The following MYH11 variants were observed in gnomAD, a reference collection of about 807,000 sequenced individuals.
The protein encoded by MYH11 is myosin heavy chain 11, also known as myosin-11.
MYH11 carries 80 observed loss-of-function variants against 246.6 expected under a neutral mutation model. The ratio of observed to expected loss-of-function variants is 0.32; its 90% confidence interval spans 0.27 to 0.39. The LOEUF is 0.39. MYH11 is among the 10% of genes least tolerant of loss of function. The pLI is 1.00. For missense variants in MYH11, 2,158 were observed against 2,546.8 expected (o/e 0.85, Z 3.29); for synonymous variants, 1,071 against 1,015.5 (o/e 1.05, Z -1.04).
chr16:15,754,252 A>AT (rs1439034727), intron 14 of MYH11, among the ~76,000 whole-genome samples: 1 of 152,122 alleles, frequency 6.6e-6, no homozygotes, highest in Non-Finnish European at 1.5e-5. Flanking sequence ...TAAGCATGGC[A>AT]TCCTATTTTC....
intron 3 of MYH11, among the ~76,000 whole-genome samples, chr16:15,819,583 G>A (rs1195715347): frequency 6.6e-6 from 1 of 152,136 alleles, no homozygotes; most frequent in Non-Finnish European, 1.5e-5. Context: ...ATCTGTCACT[G>A]TCTCCCATCA....
At position 15,753,938 on chromosome 16, in the gene MYH11, G is replaced by A. The variant is rs114191269; in HGVS notation, c.1750-430C>T. Reference sequence around the variant, plus strand: ...TTAAGCATGGCAGCCAAGCGTGGTGGTTCACACTGGTAATCCCAGCACTGT... The same window carrying A: ...TTAAGCATGGCAGCCAAGCGTGGTGATTCACACTGGTAATCCCAGCACTGT... On this transcript the variant is annotated intron_variant, in intron 14 of 40. Coordinates refer to ENST00000300036, the MANE Select transcript of MYH11 (RefSeq NM_002474.3). Among the ~76,000 whole-genome samples the A allele has an allele frequency of 4.5e-3, 686 of 152,028 alleles. 1 individual carries two copies. The highest frequency in any genetic ancestry group is 0.014 in the African/African-American group (583 of 41,452).
chr16:15,717,085 T>A, intron 38 of MYH11, 55 bp downstream of exon 38: 1 of 1,578,256 alleles, frequency 6.3e-7, no homozygotes, highest in South Asian at 1.1e-5. Flanking sequence ...TCACTATGAC[T>A]CCTGCTGTCC....
chr16:15,825,964 A>G (rs2043552596), intron 2 of MYH11, among the ~76,000 whole-genome samples: 1 of 152,136 alleles, frequency 6.6e-6, no homozygotes, highest in Admixed American at 6.6e-5. Flanking sequence ...CCACAGATCC[A>G]TCTCTCAGTT....
At chr16:15,715,329 G>A (rs1448500871) in intron 38 of MYH11, 57 bp from the exon 39 acceptor site, 4 of 1,566,314 alleles carry the variant, frequency 2.6e-6, no homozygotes, top group Non-Finnish European at 3.5e-6. Flanking sequence ...CCTTGTAGCT[G>A]GTGTGTCACC....
chr16:15,822,727 AC>A (rs2043447190), intron 3 of MYH11, among the ~76,000 whole-genome samples: 1 of 152,198 alleles, frequency 6.6e-6, no homozygotes, highest in Non-Finnish European at 1.5e-5. Flanking sequence ...AAATAATAAA[AC>A]AATAGTAAAA....
intron 4 of MYH11, among the ~76,000 whole-genome samples, chr16:15,789,690 C>T (rs2042563552): frequency 6.6e-6 from 1 of 152,166 alleles, no homozygotes; most frequent in Non-Finnish European, 1.5e-5. Flanking sequence ...GTCATTCACA[C>T]CTAAGTATGA....
chr16:15,759,972 C>T (rs1364565791), intron 11 of MYH11, among the ~76,000 whole-genome samples: 2 of 152,132 alleles, frequency 1.3e-5, no homozygotes, highest in African/African-American at 4.8e-5. Context: ...TGGTGCATGC[C>T]TGTAGTCCCA....
intron 27 of MYH11, chr16:15,732,347 G>A (rs184856872): frequency 8.5e-5 from 56 of 659,588 alleles, no homozygotes; most frequent in East Asian, 6.3e-4. Flanking sequence ...CGATCCTCCC[G>A]CCTCAGCCTC....
intron 1 of MYH11, among the ~76,000 whole-genome samples, chr16:15,849,653 T>C (rs1321519879): frequency 6.6e-6 from 1 of 152,138 alleles, no homozygotes; most frequent in Non-Finnish European, 1.5e-5. Flanking sequence ...GGTCTCACTT[T>C]GTGGCCCAGG....
At chr16:15,815,814 T>C (rs2043249461) in intron 3 of MYH11, among the ~76,000 whole-genome samples, 1 of 151,996 alleles carries the variant, frequency 6.6e-6, no homozygotes, top group African/African-American at 2.4e-5. Context: ...ATCAAGAATA[T>C]TCCCAGCCAG....
At chr16:15,791,567 C>G (rs1356789005) in intron 4 of MYH11, 1 of 152,188 alleles carries the variant, frequency 6.6e-6, no homozygotes, top group Non-Finnish European at 1.5e-5. Context: ...AATCCCTCCT[C>G]TGCCAGTTAC....
chr16:15,716,586 A>G (rs893400604), intron 38 of MYH11, among the ~76,000 whole-genome samples: 4 of 152,102 alleles, frequency 2.6e-5, no homozygotes, highest in East Asian at 1.9e-4. Context: ...CAGTGGCACA[A>G]TCTCGGCTCA....
At chr16:15,709,096 C>T (rs371432873) in intron 40 of MYH11, among the ~76,000 whole-genome samples, 2 of 151,412 alleles carry the variant, frequency 1.3e-5, no homozygotes, top group African/African-American at 2.4e-5. Context: ...GCAGGCCCCA[C>T]GTGCTTGGCT....
chr16:15,847,704 A>C (rs72773916), intron 1 of MYH11, among the ~76,000 whole-genome samples: 7,243 of 152,276 alleles, frequency 0.048, 253 homozygotes, highest in East Asian at 0.16. Flanking sequence ...AAACAAGATC[A>C]AGTGCAAAGA....
rs1160451543 is a variant in MYH11, at chr16:15,750,245, G to A, written c.1951C>T (p.Arg651Cys). 8 of 1,614,198 alleles carry A rather than the reference G, an allele frequency of 5.0e-6. No individual in the cohort carries two copies. The highest frequency in any genetic ancestry group is 6.8e-6 in the Non-Finnish European group (8 of 1,180,036). The change falls in exon 16 of 41, where the codon CGC becomes TGC. Residue 651 changes from arginine (R) to cysteine (C), a missense_variant. Arg to Cys is a radical substitution (Grantham distance 180). Transcript: ENST00000300036. The surrounding 1 kb of genome is among the most constrained non-coding windows in gnomAD (Gnocchi z 4.3). ...SASKTKKGMFRTVGQLYKEQL... is the reference protein window; with the variant it reads ...SASKTKKGMFCTVGQLYKEQL... Reference sequence around the variant, plus strand: ...TCCTTGTACAGCTGCCCCACTGTGCGGAACATGCCCTTCTTGGTCTTGGAG... The same window carrying A: ...TCCTTGTACAGCTGCCCCACTGTGCAGAACATGCCCTTCTTGGTCTTGGAG...
At chr16:15,760,009 A>G (rs1366535274) in intron 11 of MYH11, among the ~76,000 whole-genome samples, 1 of 152,200 alleles carries the variant, frequency 6.6e-6, no homozygotes, top group Non-Finnish European at 1.5e-5. Context: ...AGGCAGGAGA[A>G]TCGTTTGAAT....
chr16:15,767,215 G>A (rs1186159508), intron 9 of MYH11, among the ~76,000 whole-genome samples: 1 of 152,074 alleles, frequency 6.6e-6, no homozygotes, highest in Admixed American at 6.6e-5. Flanking sequence ...ATAGAGGATG[G>A]ATTGATGGAT....
intron 8 of MYH11, among the ~76,000 whole-genome samples, chr16:15,774,905 G>A (rs780031562): frequency 1.3e-5 from 2 of 152,124 alleles, no homozygotes; most frequent in Non-Finnish European, 2.9e-5. Context: ...TTTAAATAAT[G>A]GATAATGCCA....
Sources: gnomAD v4.1 joint callset for allele counts (sites outside exome capture counted in the v4.1 genomes callset) on GRCh38, gnomAD v4.1.1 for gene constraint, Gnocchi (gnomAD v3.1) non-coding constraint, MANE v1.5 for transcripts, NCBI Gene and HGNC (gene_info 2026-07-23, HGNC 2026-07-21) for gene names.